Variants in EPHA6 observed in about 807,000 individuals in gnomAD.
EPHA6 encodes ephrin type-A receptor 6.
EPHA6 carries 50 observed loss-of-function variants against 112.0 expected under a neutral mutation model. The observed-to-expected ratio is 0.45, with a 90% CI of 0.36 to 0.56. EPHA6 has a LOEUF of 0.56. EPHA6 is among the 20% of genes least tolerant of loss of function. The pLI is 0.00. For synonymous variants in EPHA6, 529 were observed against 490.7 expected (o/e 1.08, Z -1.03); for missense variants, 1,280 against 1,417.4 (o/e 0.90, Z 1.56).
At chr3:97,199,798 C>T (rs1224470104) in intron 3 of EPHA6, among the ~76,000 whole-genome samples, 1 of 152,064 alleles carries the variant, frequency 6.6e-6, no homozygotes, top group Non-Finnish European at 1.5e-5. Flanking sequence ...ATATTGTTTA[C>T]AATGTAAGAA....
intron 5 of EPHA6, among the ~76,000 whole-genome samples, chr3:97,333,468 C>CTTTTTTTTTTTTTTTTTTTTTT (rs869258362): frequency 1.3e-5 from 1 of 75,880 alleles, no homozygotes; most frequent in African/African-American, 5.7e-5. Context: ...TATGGCTTTT[C>CTTTTTTTTTTTTTTTTTTTTTT]TTTTTTTTTT....
chr3:97,141,079 G>A (rs74462588), intron 3 of EPHA6, among the ~76,000 whole-genome samples: 2,413 of 152,026 alleles, frequency 0.016, 76 homozygotes, highest in African/African-American at 0.055. Context: ...AAAAAGAAAA[G>A]ACAAAGAGAA....
intron 5 of EPHA6, among the ~76,000 whole-genome samples, chr3:97,380,370 G>A (rs1174526072): frequency 6.6e-6 from 1 of 152,080 alleles, no homozygotes; most frequent in African/African-American, 2.4e-5. Context: ...TTACCTTCTG[G>A]AAGTCACTGA....
chr3:97,223,289 G>T (rs1297357404), intron 3 of EPHA6, among the ~76,000 whole-genome samples: 3 of 152,234 alleles, frequency 2.0e-5, no homozygotes, highest in Admixed American at 2.0e-4. Context: ...TATCAGATGT[G>T]AAGTTCTTTG....
At chr3:97,288,980 A>C (rs1425521469) in intron 5 of EPHA6, among the ~76,000 whole-genome samples, 1 of 126,646 alleles carries the variant, frequency 7.9e-6, no homozygotes, top group African/African-American at 3.0e-5. Flanking sequence ...TAGATTATGG[A>C]TATTAGACTT....
chr3:97,209,298 CACACACACACACAA>C (rs1290566818), intron 3 of EPHA6, among the ~76,000 whole-genome samples: 1 of 151,330 alleles, frequency 6.6e-6, no homozygotes, highest in Non-Finnish European at 1.5e-5. Flanking sequence ...TGTCTCATGT[CACACACACACACAA>C]ACACACACAC....
chr3:97,732,213 C>G (rs2035066890), intron 15 of EPHA6, among the ~76,000 whole-genome samples: 1 of 151,642 alleles, frequency 6.6e-6, no homozygotes, highest in South Asian at 2.1e-4. Flanking sequence ...TCTTTGAAGA[C>G]TATTCTAGCC....
chr3:97,704,241 G>A (rs2033555674), intron 14 of EPHA6, among the ~76,000 whole-genome samples: 2 of 152,148 alleles, frequency 1.3e-5, no homozygotes, highest in African/African-American at 4.8e-5. Flanking sequence ...GCAACCATGA[G>A]GATGTTGCAG....
chr3:97,069,070 G>T (rs1229194095), intron 3 of EPHA6, among the ~76,000 whole-genome samples: 1 of 152,080 alleles, frequency 6.6e-6, no homozygotes, highest in Admixed American at 6.5e-5. Flanking sequence ...TAGAGGTGCT[G>T]TTGCCTGCAC....
intron 2 of EPHA6, among the ~76,000 whole-genome samples, chr3:96,894,166 T>C (rs1490465750): frequency 6.6e-6 from 1 of 152,130 alleles, no homozygotes; most frequent in African/African-American, 2.4e-5. Context: ...AGAAAACACC[T>C]CAGGGTCTTC....
At chr3:97,554,522 T>C (rs1560131905) in intron 11 of EPHA6, among the ~76,000 whole-genome samples, 1 of 152,126 alleles carries the variant, frequency 6.6e-6, no homozygotes, top group Non-Finnish European at 1.5e-5. Flanking sequence ...CTTGCTCACA[T>C]AAAAGTCTAA....
At chr3:97,634,703 G>A (rs1007524149) in intron 13 of EPHA6, among the ~76,000 whole-genome samples, 4 of 152,026 alleles carry the variant, frequency 2.6e-5, no homozygotes, top group African/African-American at 4.8e-5. Context: ...AGGTAGGACA[G>A]GGGCCCAGTC....
At chr3:96,907,973 C>T (rs898817077) in intron 2 of EPHA6, among the ~76,000 whole-genome samples, 4 of 151,902 alleles carry the variant, frequency 2.6e-5, no homozygotes, top group Non-Finnish European at 5.9e-5. Context: ...ATGGAGTGTA[C>T]TTACACAAAC....
At chr3:97,681,628 A>G (rs2031868892) in intron 14 of EPHA6, among the ~76,000 whole-genome samples, 2 of 152,116 alleles carry the variant, frequency 1.3e-5, no homozygotes, top group African/African-American at 4.8e-5. Context: ...TTTGAGAATA[A>G]TACCACTTAT....
chr3:97,232,037 G>T (rs1386568329), intron 4 of EPHA6, among the ~76,000 whole-genome samples: 2 of 152,104 alleles, frequency 1.3e-5, no homozygotes, highest in Admixed American at 1.3e-4. Flanking sequence ...AGAGATTTTG[G>T]TTTCGAGGTT....
intron 1 of EPHA6, among the ~76,000 whole-genome samples, chr3:96,835,592 C>T (rs1287938052): frequency 2.0e-5 from 3 of 151,866 alleles, no homozygotes; most frequent in Non-Finnish European, 4.4e-5. Flanking sequence ...ACACATGCAT[C>T]GTTGAGGATA....
chr3:97,116,801 T>C (rs540104814), intron 3 of EPHA6, among the ~76,000 whole-genome samples: 1 of 151,756 alleles, frequency 6.6e-6, no homozygotes, highest in East Asian at 1.9e-4. Context: ...AACAAGGGAG[T>C]GCAAATATCT....
At chr3:97,595,010 AAG>A (rs2107359904) in intron 12 of EPHA6, among the ~76,000 whole-genome samples, 1 of 152,348 alleles carries the variant, frequency 6.6e-6, no homozygotes, top group South Asian at 2.1e-4. Flanking sequence ...TCAAATTTAA[AAG>A]AGATACGTGA....
chr3:97,064,815 G>T (rs997840510), intron 3 of EPHA6, among the ~76,000 whole-genome samples: 4 of 152,052 alleles, frequency 2.6e-5, no homozygotes, highest in Non-Finnish European at 5.9e-5. Flanking sequence ...CACAATTGCT[G>T]CCTCTGGAGA....
Sources: gnomAD v4.1 joint callset for allele counts (sites outside exome capture counted in the v4.1 genomes callset) on GRCh38, gnomAD v4.1.1 for gene constraint, MANE v1.5 for transcripts, NCBI Gene and HGNC (gene_info 2026-07-23, HGNC 2026-07-21) for gene names.